Variants in FDFT1 observed in about 807,000 individuals in gnomAD.
FDFT1 encodes the protein farnesyl-diphosphate farnesyltransferase 1, also known as squalene synthase.
Under a neutral mutation model 46.8 loss-of-function variants are expected in FDFT1, and 68 were observed. The ratio of observed to expected loss-of-function variants is 1.45; its 90% CI spans 1.19 to 1.78. The LOEUF (loss-of-function observed/expected upper bound fraction) is 1.78. Among genes scored for constraint, FDFT1 ranks in the 40% most tolerant of loss-of-function variants. FDFT1 has a pLI of 0.00. For missense variants in FDFT1, 928 were observed against 524.4 expected (o/e 1.77, Z -7.52); for synonymous variants, 351 against 185.1 (o/e 1.90, Z -7.28).
chr8:11,831,440 G>A, intron 6 of FDFT1, 78 bp from the exon 7 acceptor site: 1 of 1,354,928 alleles, frequency 7.4e-7, no homozygotes. Flanking sequence ...TTCAACAGAA[G>A]GTTTTCTTAC....
chr8:11,796,494 C>T (rs1048774477), intron 1 of FDFT1, among the ~76,000 whole-genome samples: 1 of 152,156 alleles, frequency 6.6e-6, no homozygotes, highest in African/African-American at 2.4e-5. Flanking sequence ...AAATAAGGTT[C>T]TTGATTCGGA....
intron 3 of FDFT1, 67 bp downstream of exon 3, chr8:11,809,917 A>G: frequency 8.0e-7 from 1 of 1,253,344 alleles, no homozygotes; most frequent in East Asian, 2.4e-5. Context: ...GTTGTCCGGT[A>G]GCCTCCATAC....
intron 1 of FDFT1, chr8:11,808,518 A>T: frequency 1.5e-6 from 2 of 1,333,602 alleles, no homozygotes; most frequent in Non-Finnish European, 1.9e-6. Context: ...CGCGATTCCC[A>T]TGGCCGCAGC....
chr8:11,815,669 C>G (rs981679723), intron 3 of FDFT1, among the ~76,000 whole-genome samples: 29 of 152,146 alleles, frequency 1.9e-4, no homozygotes, highest in African/African-American at 7.0e-4. Flanking sequence ...TAAATGTCTT[C>G]CTTTGAGAAG....
At chr8:11,802,632 C>A (rs1806263251), upstream of FDFT1, 1 of 593,144 alleles carries the variant, frequency 1.7e-6, no homozygotes, top group Non-Finnish European at 3.0e-6. Context: ...GTCAGCCCAC[C>A]CCACGAGGCC....
intron 3 of FDFT1, among the ~76,000 whole-genome samples, chr8:11,815,298 T>G (rs1808299060): frequency 6.6e-6 from 1 of 152,222 alleles, no homozygotes; most frequent in African/African-American, 2.4e-5. Context: ...GTTCCAGGTC[T>G]TTGCTATTGT....
Position 11,809,826 on chromosome 8 carries a change from C to A in FDFT1, c.357C>A (p.Arg119=). 6.2e-7 allele frequency: 1 copy of A among 1,613,698 alleles called. No individual in the cohort carries two copies. Among genetic ancestry groups the A allele is most frequent in the Non-Finnish European group, 8.5e-7 (1 of 1,179,744 alleles). Residue 119 remains arginine (R), a synonymous_variant, in exon 3 of 8, where the codon CGC becomes CGA. Transcript: ENST00000220584. ...TCATGGAGAGCAAGGAGAAGGATCG[C>A]CAGGTGCTGGAGGACTTCCCAACGG... ...WRFMESKEKD[R]QVLEDFPTIS... is the part of the protein sequence containing the mutation.
chr8:11,832,063 C>T (rs569015372), intron 7 of FDFT1, among the ~76,000 whole-genome samples: 3 of 152,156 alleles, frequency 2.0e-5, no homozygotes, highest in Non-Finnish European at 4.4e-5. Flanking sequence ...TGTGTCCTGA[C>T]ACCCAGTCTG....
intron 4 of FDFT1, among the ~76,000 whole-genome samples, chr8:11,824,133 G>T (rs907869013): frequency 3.3e-5 from 5 of 152,092 alleles, no homozygotes; most frequent in Non-Finnish European, 7.3e-5. Context: ...AAAATTCCGG[G>T]ATTACAGGCG....
chr8:11,806,434 A>G (rs1806843401), intron 1 of FDFT1, among the ~76,000 whole-genome samples: 1 of 152,160 alleles, frequency 6.6e-6, no homozygotes, highest in African/African-American at 2.4e-5. Flanking sequence ...AAGGTAAGGG[A>G]CTGAAACAAA....
intron 3 of FDFT1, among the ~76,000 whole-genome samples, chr8:11,818,999 C>G (rs930279567): frequency 6.6e-6 from 1 of 152,140 alleles, no homozygotes; most frequent in Non-Finnish European, 1.5e-5. Context: ...ACCAGTTGTT[C>G]CTTTCCATTT....
At chr8:11,809,248 G>T in intron 2 of FDFT1, 1 of 1,151,112 alleles carries the variant, frequency 8.7e-7, no homozygotes, top group Non-Finnish European at 1.1e-6. Context: ...TTTTGAAGCT[G>T]CCTCTGTGCA....
At chr8:11,796,535 G>C (rs541725248) in intron 1 of FDFT1, among the ~76,000 whole-genome samples, 36 of 152,322 alleles carry the variant, frequency 2.4e-4, no homozygotes, top group Admixed American at 2.0e-3. Flanking sequence ...TTTGTACTTA[G>C]TGGACACTCC....
At position 11,809,662 on chromosome 8, in the gene FDFT1, T is replaced by C. The variant is rs376094577; in HGVS notation, c.198-5T>C. 7 of 1,584,068 alleles carry C rather than the reference T, an allele frequency of 4.4e-6. No homozygotes were observed. In the African/African-American group the frequency reaches 8.2e-5, roughly 19 times the overall value. ...AATATATTAATAGTTTTCCCTTTTT[T>C]ACAGCAACGCAGTGTGCATATTTTA... On this transcript the variant is annotated splice_polypyrimidine_tract_variant and splice_region_variant and intron_variant, in intron 2 of 7. Coordinates refer to ENST00000220584, the MANE Select transcript of FDFT1 (RefSeq NM_004462.5).
intron 1 of FDFT1, chr8:11,803,488 G>A (rs972401708): frequency 2.4e-6 from 3 of 1,247,012 alleles, no homozygotes; most frequent in East Asian, 1.1e-4. Context: ...GTTATCTAAC[G>A]TCTATGGATT....
chr8:11,797,126 A>G (rs1340700663), intron 1 of FDFT1, among the ~76,000 whole-genome samples: 2 of 152,210 alleles, frequency 1.3e-5, no homozygotes, highest in Admixed American at 6.5e-5. Context: ...TGACATGGCA[A>G]ACTGGTGGGC....
chr8:11,797,754 C>G (rs914664836), upstream of FDFT1, among the ~76,000 whole-genome samples: 1 of 151,726 alleles, frequency 6.6e-6, no homozygotes, highest in African/African-American at 2.4e-5. Flanking sequence ...TCCACCTGAG[C>G]TGTAATGGAG....
At chr8:11,814,173 AC>A (rs987812080) in intron 3 of FDFT1, among the ~76,000 whole-genome samples, 1 of 152,020 alleles carries the variant, frequency 6.6e-6, no homozygotes, top group African/African-American at 2.4e-5. Context: ...GATTCTAATA[AC>A]CTCTTGTAGA....
chr8:11,820,859 C>G (rs980983090), intron 3 of FDFT1, among the ~76,000 whole-genome samples: 2 of 152,192 alleles, frequency 1.3e-5, no homozygotes, highest in Admixed American at 1.3e-4. Flanking sequence ...TTTGGCTCAC[C>G]CTCCATGGGC....
Sources: allele counts gnomAD v4.1 joint callset (sites outside exome capture counted in the v4.1 genomes callset), GRCh38; gene constraint gnomAD v4.1.1; transcripts MANE v1.5; gene names NCBI Gene and HGNC (gene_info 2026-07-23, HGNC 2026-07-21).